The following TRIM49 variants were observed in gnomAD, a reference collection of about 807,000 sequenced individuals.
TRIM49 encodes the protein tripartite motif-containing protein 49.
In TRIM49, 5 loss-of-function variants were observed where a neutral mutation model predicts 27.4. The ratio of observed to expected loss-of-function variants is 0.18; its 90% CI spans 0.10 to 0.38. The LOEUF (loss-of-function observed/expected upper bound fraction) is 0.38, where lower values mean the gene tolerates loss of function less well. TRIM49 is among the 10% of genes least tolerant of loss of function. The pLI is 1.00. For synonymous variants in TRIM49, 69 were observed against 166.0 expected, an observed-to-expected ratio of 0.42 and a Z score of 4.49; for missense variants, 188 against 487.5, an observed-to-expected ratio of 0.39 and a Z score of 5.79.
the TRIM49 span, among the ~76,000 whole-genome samples, chr11:89,791,705 T>G: frequency 6.6e-6 from 1 of 152,046 alleles, no homozygotes. Flanking sequence ...AGAGATTTTG[T>G]CACCACCAGG....
chr11:89,800,010 C>A (rs1414451584), intron 6 of TRIM49, among the ~76,000 whole-genome samples, 197 bp from the exon 7 acceptor site: 8 of 150,052 alleles, frequency 5.3e-5, no homozygotes, highest in Non-Finnish European at 1.0e-4. Flanking sequence ...AAGCCAGAAT[C>A]CAATCTGATC....
At position 89,804,123 on chromosome 11, in the gene TRIM49, G is replaced by C. The variant is rs758406170; in HGVS notation, c.347C>G (p.Ser116Cys). ...GTGATACCGGTGCTCCTGAGAGCTG[G>C]AGCACAGCAAACAGAGCAGGCTCCT... is the stretch of plus-strand genomic sequence containing the variant. ...VDRSLLCLLCSSSQEHRYHRH... is the reference protein window; with the variant it reads ...VDRSLLCLLCCSSQEHRYHRH... The change falls in exon 3 of 8, where the codon TCC (serine) becomes TGC (cysteine). Residue 116 changes from serine to cysteine, a missense_variant. Ser to Cys is a moderately radical substitution (Grantham distance 112, BLOSUM62 -1). Coordinates refer to ENST00000329758, the MANE Select transcript of TRIM49 (RefSeq NM_020358.2). 1 of 1,605,572 alleles carries C rather than the reference G, an allele frequency of 6.2e-7. No individual in the cohort carries two copies. Among genetic ancestry groups the C allele is most frequent in the Non-Finnish European group, 8.5e-7 (1 of 1,177,420 alleles).
chr11:89,792,544 C>G, the TRIM49 span, among the ~76,000 whole-genome samples: 3 of 152,160 alleles, frequency 2.0e-5, no homozygotes, highest in African/African-American at 4.8e-5. Flanking sequence ...AACAAACTGT[C>G]TCTCAGACCA....
downstream of TRIM49, among the ~76,000 whole-genome samples, chr11:89,792,753 A>G (rs1318299162): frequency 1.3e-5 from 2 of 152,144 alleles, no homozygotes; most frequent in African/African-American, 4.8e-5. Context: ...CAGTGTGTGG[A>G]GGGAAATTTA....
At chr11:89,787,990 T>A in the TRIM49 span, among the ~76,000 whole-genome samples, 1 of 147,380 alleles carries the variant, frequency 6.8e-6, no homozygotes, top group Admixed American at 6.6e-5. Context: ...GCCACATCGA[T>A]TCGCCTGACA....
At chr11:89,777,561 C>T in the TRIM49 span, among the ~76,000 whole-genome samples, 4 of 144,934 alleles carry the variant, frequency 2.8e-5, no homozygotes, top group Non-Finnish European at 6.0e-5. Flanking sequence ...GCACTCTAAT[C>T]ATAGCTGTGT....
downstream of TRIM49, among the ~76,000 whole-genome samples, chr11:89,797,141 T>C (rs1326554337): frequency 2.2e-4 from 34 of 151,720 alleles, no homozygotes; most frequent in Non-Finnish European, 3.7e-4. Flanking sequence ...AAGTGAGCAC[T>C]TTTTTATATT....
chr11:89,789,909 G>A, the TRIM49 span, among the ~76,000 whole-genome samples: 3 of 151,322 alleles, frequency 2.0e-5, no homozygotes, highest in African/African-American at 4.9e-5. Context: ...GACAGTGGGT[G>A]CAGGACAGTG....
At chr11:89,801,197 G>C (rs1303448620) in intron 5 of TRIM49, among the ~76,000 whole-genome samples, 2 of 149,212 alleles carry the variant, frequency 1.3e-5, no homozygotes, top group East Asian at 3.9e-4. Context: ...GAGTCTTGAA[G>C]ACATTCTCTA....
At chr11:89,776,741 T>A in the TRIM49 span, among the ~76,000 whole-genome samples, 1 of 152,180 alleles carries the variant, frequency 6.6e-6, no homozygotes, top group African/African-American at 2.4e-5. Flanking sequence ...CATCTTAGGA[T>A]CTTGGTATGT....
intron 2 of TRIM49, among the ~76,000 whole-genome samples, chr11:89,805,781 G>A (rs1427308875): frequency 6.7e-6 from 1 of 148,380 alleles, no homozygotes; most frequent in Non-Finnish European, 1.5e-5. Flanking sequence ...GCAGTGGCGT[G>A]ATCTCGGCTC....
chr11:89,791,839 T>C, the TRIM49 span, among the ~76,000 whole-genome samples: 2 of 151,720 alleles, frequency 1.3e-5, no homozygotes, highest in East Asian at 1.9e-4. Flanking sequence ...CATCAACTAA[T>C]GAGCAAAATA....
chr11:89,802,752 A>T (rs940329293), intron 4 of TRIM49, among the ~76,000 whole-genome samples: 2 of 150,722 alleles, frequency 1.3e-5, no homozygotes, highest in African/African-American at 4.9e-5. Context: ...TGACCACCCT[A>T]TTTAAAACTC....
At chr11:89,791,634 A>G in the TRIM49 span, among the ~76,000 whole-genome samples, 29 of 151,568 alleles carry the variant, frequency 1.9e-4, no homozygotes, top group Admixed American at 6.6e-5. Flanking sequence ...TATCATATCC[A>G]GCCAAACTAA....
chr11:89,793,668 T>C (rs1191586112), downstream of TRIM49, among the ~76,000 whole-genome samples: 1 of 151,946 alleles, frequency 6.6e-6, no homozygotes, highest in African/African-American at 2.4e-5. Flanking sequence ...AAAAGGCCTT[T>C]GACAAAATTC....
chr11:89,804,959 C>A (rs568477348), intron 2 of TRIM49, among the ~76,000 whole-genome samples: 30 of 151,150 alleles, frequency 2.0e-4, no homozygotes, highest in African/African-American at 7.3e-4. Flanking sequence ...GGCAGCAAAC[C>A]ACCATGGCAC....
chr11:89,795,991 C>T (rs1383712734), downstream of TRIM49, among the ~76,000 whole-genome samples: 1 of 151,666 alleles, frequency 6.6e-6, no homozygotes, highest in African/African-American at 2.4e-5. Flanking sequence ...ACCTAGATAT[C>T]CGCAAATCCT....
chr11:89,785,185 C>T, the TRIM49 span, among the ~76,000 whole-genome samples: 6 of 141,538 alleles, frequency 4.2e-5, no homozygotes, highest in Admixed American at 1.4e-4. Flanking sequence ...TGCCACTGCA[C>T]TCTAGCCTCG....
At chr11:89,790,750 C>T in the TRIM49 span, among the ~76,000 whole-genome samples, 3 of 151,678 alleles carry the variant, frequency 2.0e-5, no homozygotes, top group African/African-American at 2.4e-5. Context: ...CCCATCTGTA[C>T]GTCACCAGCA....
Sources: allele counts gnomAD v4.1 joint callset (sites outside exome capture counted in the v4.1 genomes callset), GRCh38; gene constraint gnomAD v4.1.1; transcripts MANE v1.5; gene names NCBI Gene and HGNC (gene_info 2026-07-23, HGNC 2026-07-21).